The following COL3A1 variants were observed in gnomAD, a reference collection of about 807,000 sequenced individuals.
COL3A1 encodes collagen alpha-1(III) chain.
In COL3A1, 46 loss-of-function variants were observed where a neutral mutation model predicts 200.9. That is an observed-to-expected ratio of 0.23 (90% CI 0.18 to 0.29). The LOEUF (loss-of-function observed/expected upper bound fraction) is 0.29, where lower values mean the gene tolerates loss of function less well. Among genes scored for constraint, COL3A1 ranks in the 10% least tolerant of loss-of-function variants. COL3A1 has a pLI of 1.00. For synonymous variants in COL3A1, 650 were observed against 628.0 expected (o/e 1.03, Z -0.52); for missense variants, 1,367 against 1,917.6 (o/e 0.71, Z 5.36).
intron 13 of COL3A1, 25 bp downstream of exon 13, chr2:188,991,747 C>T: frequency 1.2e-6 from 2 of 1,612,840 alleles, no homozygotes. Context: ...TAACATCACA[C>T]AATTACAACC....
chr2:189,000,880 C>G (rs748714751), intron 32 of COL3A1, among the ~76,000 whole-genome samples: 3 of 151,916 alleles, frequency 2.0e-5, no homozygotes, highest in South Asian at 2.1e-4. Flanking sequence ...TAATAGTTGC[C>G]TTAAAGAAAT....
At chr2:188,979,033 A>T (rs529558961) in intron 1 of COL3A1, among the ~76,000 whole-genome samples, 2 of 152,064 alleles carry the variant, frequency 1.3e-5, no homozygotes, top group South Asian at 4.1e-4. Context: ...TGCTGTTTAA[A>T]ATGTAGTCTT....
At chr2:189,006,862 T>C (rs908645614) in intron 43 of COL3A1, 75 bp from the exon 44 acceptor site, 17 of 1,461,892 alleles carry the variant, frequency 1.2e-5, no homozygotes, top group Middle Eastern at 1.8e-4. Flanking sequence ...AATTATTTAC[T>C]TTTGAAAACG....
intron 1 of COL3A1, among the ~76,000 whole-genome samples, chr2:188,976,944 G>A (rs1687832024): frequency 6.6e-6 from 1 of 152,098 alleles, no homozygotes; most frequent in Admixed American, 6.5e-5. Context: ...AGTTTATAAT[G>A]AGCTTTAAAA....
Position 188,987,108 on chromosome 2 carries a change from TAGG to T in COL3A1, c.502_504del (p.Gly168del), listed in dbSNP as rs1688079577. On this transcript the variant is annotated inframe_deletion, in exon 5 of 51. Coordinates refer to ENST00000304636, the MANE Select transcript of COL3A1 (RefSeq NM_000090.4). ...TATGATGTCAAGTCTGGAGTAGCAG[TAGG>T]AGGACTCGCAGGCTATCCTGGACCA... 2.0e-5 allele frequency: 33 copies of T among 1,612,956 alleles called. No homozygotes were observed. The highest frequency in any genetic ancestry group is 2.8e-5 in the Non-Finnish European group (33 of 1,179,268).
At chr2:189,008,398 A>C in intron 47 of COL3A1, 1 of 515,122 alleles carries the variant, frequency 1.9e-6, no homozygotes, top group South Asian at 2.1e-5. Context: ...CAATTAACCA[A>C]ATAAACCCTG....
At chr2:189,003,330 C>T (rs766348533) in intron 36 of COL3A1, 81 bp from the exon 37 acceptor site, 235 of 1,222,270 alleles carry the variant, frequency 1.9e-4, no homozygotes, top group Middle Eastern at 1.3e-3. Context: ...TCATAGAGTT[C>T]CTGGTTTTCA....
intron 1 of COL3A1, among the ~76,000 whole-genome samples, chr2:188,975,024 C>G (rs995211946): frequency 6.6e-6 from 1 of 152,132 alleles, no homozygotes; most frequent in African/African-American, 2.4e-5. Context: ...GGATTAAGAA[C>G]AGTCTAAAGG....
Position 188,995,087 on chromosome 2 carries a change from C to T in COL3A1, c.1497C>T (p.Ile499=). ...GAGGACCTGCTGGACCAAATGGCAT[C>T]CCAGGAGAAAAGGTAGATAACTTTA... The part of the protein sequence containing the change: ...GFRGPAGPNG[I]PGEKGPAGER... The change falls in exon 21 of 51, where the codon ATC becomes ATT. Residue 499 remains isoleucine, a synonymous_variant. Transcript: ENST00000304636. 3 of 1,614,078 alleles carry T rather than the reference C, an allele frequency of 1.9e-6. No individual in the cohort carries two copies. Among genetic ancestry groups the T allele is most frequent in the South Asian group, 2.2e-5 (2 of 91,084 alleles).
chr2:188,975,891 C>T (rs1239067515), intron 1 of COL3A1, among the ~76,000 whole-genome samples: 1 of 151,748 alleles, frequency 6.6e-6, no homozygotes, highest in Non-Finnish European at 1.5e-5. Flanking sequence ...CCACCCCTTC[C>T]TAGGCAAGCC....
intron 8 of COL3A1, among the ~76,000 whole-genome samples, 181 bp downstream of exon 8, chr2:188,989,630 A>C (rs1363792588): frequency 6.6e-6 from 1 of 152,164 alleles, no homozygotes; most frequent in Non-Finnish European, 1.5e-5. Flanking sequence ...GTTTCTATAT[A>C]TATCATTTGT....
At chr2:188,987,648 T>A (rs1260817194) in intron 5 of COL3A1, among the ~76,000 whole-genome samples, 1 of 152,084 alleles carries the variant, frequency 6.6e-6, no homozygotes, top group Non-Finnish European at 1.5e-5. Context: ...GACTTTTGGG[T>A]TGATTTACAT....
rs776111781 is a variant in COL3A1, at chr2:188,991,021, T to G, written c.816T>G (p.Asn272Lys). 3 of 1,613,290 alleles carry G rather than the reference T, an allele frequency of 1.9e-6. No homozygotes were observed. In the East Asian group the frequency reaches 6.7e-5, roughly 36 times the overall value. Reference protein sequence around the residue: ...MKGHRGFDGRNGEKGETGAPG... With the variant: ...MKGHRGFDGRKGEKGETGAPG... ...TTTCCTAGGGCTTCGATGGACGAAA[T>G]GGAGAAAAGGGTGAAACAGGTGCTC... The change falls in exon 11 of 51, where the codon AAT becomes AAG. Residue 272 changes from asparagine to lysine, a missense_variant. Transcript: ENST00000304636.
In COL3A1 at chr2:189,006,944, C is replaced by G. The variant is rs1688598377; in HGVS notation, c.3209C>G (p.Ala1070Gly). 2 of 1,613,028 alleles carry G rather than the reference C, an allele frequency of 1.2e-6. No homozygotes were observed. Among genetic ancestry groups the G allele is most frequent in the African/African-American group, 1.3e-5 (1 of 74,826 alleles). ...TGAATGTTTTCATCTTAGGGCCCTG[C>G]TGGCCCTGCTGGTGCTCCCGGTCCT... ...KSGDRGESGPAGPAGAPGPAG... is the reference protein window; with the variant it reads ...KSGDRGESGPGGPAGAPGPAG... Residue 1070 changes from alanine to glycine, a missense_variant, in exon 44 of 51, where the codon GCT (alanine) becomes GGT (glycine). Transcript: ENST00000304636.
intron 8 of COL3A1, 48 bp downstream of exon 8, chr2:188,989,497 G>A: frequency 7.2e-7 from 1 of 1,392,306 alleles, no homozygotes; most frequent in Non-Finnish European, 1.0e-6. Flanking sequence ...TTAACTTGGT[G>A]TATTCTAAAC....
intron 8 of COL3A1, among the ~76,000 whole-genome samples, 165 bp downstream of exon 8, chr2:188,989,614 A>T (rs536044672): frequency 6.6e-6 from 1 of 152,280 alleles, no homozygotes; most frequent in East Asian, 1.9e-4. Context: ...GCTATACAGT[A>T]TTTGCGTTTC....
In COL3A1 at chr2:188,999,520, G is replaced by T; in HGVS notation, c.2172G>T (p.Leu724=). The T allele has an allele frequency of 6.2e-7, 1 of 1,614,044 alleles. No homozygotes were observed. The highest frequency in any genetic ancestry group is 8.5e-7 in the Non-Finnish European group (1 of 1,180,032). The change falls in exon 31 of 51, where the codon CTG becomes CTT. Residue 724 remains leucine, a synonymous_variant. Coordinates refer to ENST00000304636, the MANE Select transcript of COL3A1 (RefSeq NM_000090.4). ...GPPGAAGTPG[L]QGMPGERGGL... is the part of the protein sequence containing the mutation. Reference sequence around the variant, plus strand: ...CTGGTGCTGCTGGTACTCCTGGTCTGCAAGGAATGCCTGGAGAAAGAGGAG... The same window carrying T: ...CTGGTGCTGCTGGTACTCCTGGTCTTCAAGGAATGCCTGGAGAAAGAGGAG...
At chr2:189,009,971 A>T (rs1490467930) in intron 48 of COL3A1, among the ~76,000 whole-genome samples, 4 of 152,126 alleles carry the variant, frequency 2.6e-5, no homozygotes, top group Admixed American at 2.6e-4. Context: ...AGAAACCAAG[A>T]TGTTGCATTT....
intron 27 of COL3A1, among the ~76,000 whole-genome samples, 179 bp downstream of exon 27, chr2:188,997,932 A>G (rs1414543813): frequency 6.6e-6 from 1 of 152,264 alleles, no homozygotes; most frequent in Admixed American, 6.5e-5. Context: ...GCACATTAAT[A>G]AGTTATTTAA....
Sources: gnomAD v4.1 joint callset for allele counts (sites outside exome capture counted in the v4.1 genomes callset) on GRCh38, gnomAD v4.1.1 for gene constraint, MANE v1.5 for transcripts, NCBI Gene and HGNC (gene_info 2026-07-23, HGNC 2026-07-21) for gene names.